CACNA2D3: variants seen among roughly 807,000 people sequenced by gnomAD.
The protein encoded by CACNA2D3 is calcium voltage-gated channel auxiliary subunit alpha2delta 3, also known as voltage-dependent calcium channel subunit alpha-2/delta-3.
A neutral mutation model predicts 160.6 loss-of-function variants in CACNA2D3; 60 were observed. That is an observed-to-expected ratio of 0.37 (90% CI 0.30 to 0.46). CACNA2D3 has a LOEUF of 0.46. Among genes scored for constraint, CACNA2D3 ranks in the 20% least tolerant of loss-of-function variants. The pLI, the probability that CACNA2D3 is intolerant of heterozygous loss-of-function variation, is 1.00. For synonymous variants in CACNA2D3, 558 were observed against 492.9 expected (o/e 1.13, Z -1.75); for missense variants, 1,205 against 1,365.0 (o/e 0.88, Z 1.85).
At chr3:54,668,464 C>T (rs185434579) in intron 11 of CACNA2D3, among the ~76,000 whole-genome samples, 1 of 152,264 alleles carries the variant, frequency 6.6e-6, no homozygotes, top group Non-Finnish European at 1.5e-5. Flanking sequence ...AGGAAGCATC[C>T]GTGGCCTTTT....
At chr3:54,885,357 G>A (rs1474030841) in intron 22 of CACNA2D3, 31 bp downstream of exon 22, 1 of 1,613,128 alleles carries the variant, frequency 6.2e-7, no homozygotes, top group Non-Finnish European at 8.5e-7. Context: ...CCTTGACCAT[G>A]GCATCCTTCA....
In CACNA2D3 at chr3:54,135,065, G is replaced by A. The variant is rs1699791247; in HGVS notation, c.204+11471G>A. Among the ~76,000 whole-genome samples the A allele has an allele frequency of 2.0e-5, 3 of 152,356 alleles. No homozygotes were observed. The South Asian group carries it at 6.2e-4, about 32-fold the overall frequency. On this transcript the variant is annotated intron_variant, in intron 2 of 37. Transcript: ENST00000474759. ...GCCACATTATCACTGATATTAGGGA[G>A]AAATGTGAATTTTAATTTCTGTTCC...
At chr3:54,713,146 A>G (rs1057140691) in intron 11 of CACNA2D3, among the ~76,000 whole-genome samples, 5 of 152,178 alleles carry the variant, frequency 3.3e-5, no homozygotes, top group African/African-American at 1.2e-4. Flanking sequence ...TTATCATTTA[A>G]TGAGTTTGTT....
intron 4 of CACNA2D3, among the ~76,000 whole-genome samples, chr3:54,428,190 T>C (rs774938881): frequency 1.3e-5 from 2 of 152,194 alleles, no homozygotes; most frequent in African/African-American, 2.4e-5. Context: ...TGAGCAACAA[T>C]GTGGCTTTAT....
chr3:54,969,767 T>G, intron 28 of CACNA2D3, 33 bp from the exon 29 acceptor site: 1 of 1,607,622 alleles, frequency 6.2e-7, no homozygotes, highest in Non-Finnish European at 8.5e-7. Context: ...AGTAACATAG[T>G]AACACATTTC....
chr3:54,482,570 C>T (rs1018023178), intron 4 of CACNA2D3, among the ~76,000 whole-genome samples: 2 of 152,108 alleles, frequency 1.3e-5, no homozygotes, highest in African/African-American at 4.8e-5. Context: ...TAAATTAGGG[C>T]AGGGATTTAT....
intron 4 of CACNA2D3, among the ~76,000 whole-genome samples, chr3:54,405,853 C>CAAA (rs34578123): frequency 6.7e-6 from 1 of 149,878 alleles, no homozygotes; most frequent in Admixed American, 6.6e-5. Context: ...AACTCAATAG[C>CAAA]AAAAAAAAAA....
intron 13 of CACNA2D3, among the ~76,000 whole-genome samples, chr3:54,790,871 C>T (rs996016974): frequency 2.6e-5 from 4 of 152,132 alleles, no homozygotes; most frequent in Admixed American, 2.0e-4. Context: ...TAGGCAGTGT[C>T]AGTCAAGGTG....
At chr3:55,051,989 C>T (rs986761695) in intron 35 of CACNA2D3, among the ~76,000 whole-genome samples, 1 of 152,142 alleles carries the variant, frequency 6.6e-6, no homozygotes, top group African/African-American at 2.4e-5. Flanking sequence ...ACACCCATGA[C>T]CTGCGCCCAC....
At position 54,688,912 on chromosome 3, in the gene CACNA2D3, G is replaced by A. The variant is rs536936815; in HGVS notation, c.1167+46671G>A. Among the ~76,000 whole-genome samples, 571 of 146,578 alleles carry A rather than the reference G, an allele frequency of 3.9e-3. 4 individuals are homozygous for A. The highest frequency in any genetic ancestry group is 0.014 in the African/African-American group (545 of 39,610). On this transcript the variant is annotated intron_variant, in intron 11 of 37. Coordinates refer to ENST00000474759, the MANE Select transcript of CACNA2D3 (RefSeq NM_018398.3). Reference sequence around the variant, plus strand: ...CAGGAGAATCGCTTGAACCCAGGAGGTGGAGGTTGCAGTGAGCTGAAATTG... The same window carrying A: ...CAGGAGAATCGCTTGAACCCAGGAGATGGAGGTTGCAGTGAGCTGAAATTG...
Position 54,127,017 on chromosome 3 carries a change from C to G in CACNA2D3, c.204+3423C>G, listed in dbSNP as rs1020704318. ...GAACCTAGGCTGTTAAACTCAGTCTCCACACCTCTAACAATCACAATCAAA... is the reference window on the plus strand; with the variant it reads ...GAACCTAGGCTGTTAAACTCAGTCTGCACACCTCTAACAATCACAATCAAA... On this transcript the variant is annotated intron_variant, in intron 2 of 37. Transcript: ENST00000474759. Among the ~76,000 whole-genome samples the G allele has an allele frequency of 5.3e-5, 8 of 152,282 alleles. No individual in the cohort carries two copies. In the East Asian group the frequency reaches 1.5e-3, roughly 29 times the overall value.
chr3:54,908,154 C>T (rs544025471), intron 27 of CACNA2D3, among the ~76,000 whole-genome samples: 13 of 152,156 alleles, frequency 8.5e-5, no homozygotes, highest in Non-Finnish European at 1.8e-4. Context: ...AGTGGCTGCA[C>T]CATTTTACAA....
chr3:54,479,138 T>C (rs886739067), intron 4 of CACNA2D3, among the ~76,000 whole-genome samples: 5 of 152,056 alleles, frequency 3.3e-5, no homozygotes, highest in African/African-American at 1.2e-4. Flanking sequence ...TCATGAGATC[T>C]GATGGTTTTA....
intron 35 of CACNA2D3, among the ~76,000 whole-genome samples, chr3:55,068,582 G>A (rs1327197734): frequency 6.6e-6 from 1 of 151,882 alleles, no homozygotes; most frequent in African/African-American, 2.4e-5. Context: ...TTCTTAAATA[G>A]TCCTAAATAT....
In CACNA2D3 at chr3:54,725,055, A is replaced by T. The variant is rs551126205; in HGVS notation, c.1168-27544A>T. On this transcript the variant is annotated intron_variant, in intron 11 of 37. Transcript: ENST00000474759. Reference sequence around the variant, plus strand: ...AAGAAAAGAGAGAAGAATCAAATAGATGCAATAAAAAATGATATAGGGGAT... The same window carrying T: ...AAGAAAAGAGAGAAGAATCAAATAGTTGCAATAAAAAATGATATAGGGGAT... Among the ~76,000 whole-genome samples, 9 of 152,300 alleles carry T rather than the reference A, an allele frequency of 5.9e-5. No individual in the cohort carries two copies. In the East Asian group the frequency reaches 1.7e-3, roughly 29 times the overall value.
intron 31 of CACNA2D3, among the ~76,000 whole-genome samples, chr3:54,990,647 C>T (rs1182297079): frequency 6.6e-6 from 1 of 152,200 alleles, no homozygotes; most frequent in African/African-American, 2.4e-5. Flanking sequence ...CATAGCCTCC[C>T]CTTTGTTTCT....
intron 4 of CACNA2D3, among the ~76,000 whole-genome samples, chr3:54,420,806 G>A (rs1467861800): frequency 6.6e-6 from 1 of 152,230 alleles, no homozygotes; most frequent in Non-Finnish European, 1.5e-5. Flanking sequence ...AGCTGAGTTT[G>A]TTGTTGTTTG....
chr3:54,881,002 A>T, intron 21 of CACNA2D3, 139 bp downstream of exon 21: 1 of 735,438 alleles, frequency 1.4e-6, no homozygotes, highest in South Asian at 1.6e-5. Flanking sequence ...ACGAATGCCT[A>T]CTTGATAATT....
intron 11 of CACNA2D3, among the ~76,000 whole-genome samples, chr3:54,745,188 C>A (rs957175284): frequency 1.3e-5 from 2 of 151,796 alleles, no homozygotes; most frequent in African/African-American, 4.9e-5. Context: ...AGGGCAGGAG[C>A]CTTTATTGTG....
Sources: allele counts gnomAD v4.1 joint callset (sites outside exome capture counted in the v4.1 genomes callset), GRCh38; gene constraint gnomAD v4.1.1; transcripts MANE v1.5; gene names NCBI Gene and HGNC (gene_info 2026-07-23, HGNC 2026-07-21).